The following DNAH9 variants were observed in gnomAD, a reference collection of about 807,000 sequenced individuals.
The protein encoded by DNAH9 is DNAH9 variant protein.
DNAH9 carries 345 observed loss-of-function variants against 471.6 expected under a neutral mutation model. The ratio of observed to expected loss-of-function variants is 0.73; its 90% confidence interval spans 0.67 to 0.80. The LOEUF (loss-of-function observed/expected upper bound fraction) is 0.80, where lower values mean the gene tolerates loss of function less well. DNAH9 is among the 30% of genes least tolerant of loss of function. The pLI is 0.00. For missense variants in DNAH9, 5,407 were observed against 5,609.2 expected, an observed-to-expected ratio of 0.96 and a Z score of 1.15; for synonymous variants, 2,093 against 2,123.6, an observed-to-expected ratio of 0.99 and a Z score of 0.40.
chr17:11,942,169 G>A, intron 66 of DNAH9, 134 bp from the exon 67 acceptor site: 1 of 1,248,832 alleles, frequency 8.0e-7, no homozygotes, highest in Non-Finnish European at 1.1e-6. Flanking sequence ...GCAGGCAAGA[G>A]TTTGGCCATG....
chr17:11,921,709 G>C (rs775904899), intron 61 of DNAH9, among the ~76,000 whole-genome samples: 4 of 152,170 alleles, frequency 2.6e-5, no homozygotes, highest in Non-Finnish European at 4.4e-5. Context: ...TGAGTGTTCA[G>C]TTAGTGAGAA....
chr17:11,617,115 T>C (rs778424512), intron 4 of DNAH9, among the ~76,000 whole-genome samples: 2 of 152,138 alleles, frequency 1.3e-5, no homozygotes, highest in Non-Finnish European at 2.9e-5. Flanking sequence ...GTCTCAGAGA[T>C]AGCAGCAAAG....
In DNAH9 at chr17:11,800,271, CT is replaced by C. The variant is rs1969405125; in HGVS notation, c.8420+2479del. Reference sequence around the variant, plus strand: ...CTACAACTTCAGTTCATGAACACCCCTATCCCTATCTAAGTCTAGTCCCTAC... The same window carrying C: ...CTACAACTTCAGTTCATGAACACCCCATCCCTATCTAAGTCTAGTCCCTAC... On this transcript the variant is annotated intron_variant, in intron 43 of 68. Transcript: ENST00000262442. Among the ~76,000 whole-genome samples the C allele has an allele frequency of 2.6e-5, 4 of 152,002 alleles. 1 individual carries two copies. The highest frequency in any genetic ancestry group is 2.4e-5 in the African/African-American group (1 of 41,460).
chr17:11,619,612 T>G lies in DNAH9; in HGVS notation c.1181T>G (p.Leu394Arg), dbSNP rs772254293. 103 of 1,614,060 alleles carry G rather than the reference T, an allele frequency of 6.4e-5. No individual in the cohort carries two copies. Among genetic ancestry groups the G allele is most frequent in the Middle Eastern group, 4.9e-4 (3 of 6,084 alleles). Residue 394 changes from leucine to arginine, a missense_variant, in exon 6 of 69, where the codon CTG (leucine) becomes CGG (arginine). Around this residue, in one of 3 missense-constraint regions of DNAH9, gnomAD observed 767 missense variants for 692.5 expected, o/e 1.11. Transcript: ENST00000262442. ...GAGGTAGAAGAAAGTCAGAGAAAAC[T>G]GCAAGTGGTCTCAGACACTTTGAGC... ...RSEVEESQRK[L>R]QVVSDTLSFF... is the part of the protein sequence containing the mutation.
At chr17:11,618,321 C>T (rs1474360747) in intron 5 of DNAH9, among the ~76,000 whole-genome samples, 1 of 152,124 alleles carries the variant, frequency 6.6e-6, no homozygotes, top group Non-Finnish European at 1.5e-5. Context: ...GGCGCGGTGG[C>T]TCACGCCTGT....
In DNAH9 at chr17:11,886,976, C is replaced by T; in HGVS notation, c.11112+11C>T. ...CAGTTTTCTCTCAAGGTGACTTACA[C>T]CTGGAGTTTCTTGCCTGATTATAAT... On this transcript the variant is annotated intron_variant, in intron 57 of 68. Coordinates refer to ENST00000262442, the MANE Select transcript of DNAH9 (RefSeq NM_001372.4). 6.2e-7 allele frequency: 1 copy of T among 1,605,000 alleles called. No individual in the cohort carries two copies. The highest frequency in any genetic ancestry group is 8.5e-7 in the Non-Finnish European group (1 of 1,175,676).
intron 62 of DNAH9, 117 bp from the exon 63 acceptor site, chr17:11,929,749 A>T: frequency 1.2e-6 from 1 of 831,328 alleles, no homozygotes; most frequent in Non-Finnish European, 1.9e-6. Flanking sequence ...CACAATTTTT[A>T]AAAATTATGT....
At chr17:11,599,847 A>C (rs1281832546) in intron 1 of DNAH9, among the ~76,000 whole-genome samples, 1 of 152,176 alleles carries the variant, frequency 6.6e-6, no homozygotes, top group East Asian at 1.9e-4. Context: ...ATACCAAAGA[A>C]CTATTCCCAC....
intron 43 of DNAH9, among the ~76,000 whole-genome samples, chr17:11,804,585 T>C (rs766983253): frequency 2.6e-4 from 39 of 152,170 alleles, no homozygotes; most frequent in Admixed American, 1.3e-4. Flanking sequence ...CACCATTAAA[T>C]TGGCAAAGAT....
In DNAH9 at chr17:11,797,907, C is replaced by T. The variant is rs77238283; in HGVS notation, c.8420+114C>T. The T allele has an allele frequency of 0.048, 52,944 of 1,099,248 alleles. 1,480 individuals carry two copies. Among genetic ancestry groups the T allele is most frequent in the African/African-American group, 0.059 (3,747 of 63,328 alleles). 68.1% of individuals were successfully genotyped at this position (1,099,248 alleles called of 1,614,324 possible). ...AAAGCCAGGTAAGGAGCTCCGGCTT[C>T]TGCCTTAAAAGTCAAGATGGCTGCT... On this transcript the variant is annotated intron_variant, in intron 43 of 68. Transcript: ENST00000262442.
rs2150894387 is a variant in DNAH9 at position 11,781,073 on chromosome 17, A to G, written c.7617A>G (p.Lys2539=). The part of the protein sequence containing the change: ...GRNYGPPGNK[K]LIYFIDDMNM... ...ACTATGGCCCTCCAGGGAACAAGAA[A>G]CTCATCTATTTCATTGATGACATGA... Residue 2539 remains lysine, a synonymous_variant, in exon 39 of 69, where the codon AAA becomes AAG. Coordinates refer to ENST00000262442, the MANE Select transcript of DNAH9 (RefSeq NM_001372.4). The G allele has an allele frequency of 1.2e-6, 2 of 1,614,020 alleles. No individual in the cohort carries two copies. Among genetic ancestry groups the G allele is most frequent in the African/African-American group, 1.3e-5 (1 of 75,014 alleles).
chr17:11,852,814 G>GTGTGTGTATATATATATATA (rs1169950713), intron 49 of DNAH9, among the ~76,000 whole-genome samples: 1 of 92,680 alleles, frequency 1.1e-5, no homozygotes, highest in Non-Finnish European at 2.2e-5. Context: ...GTGTGTGTGT[G>GTGTGTGTATATATATATATA]TATATATATA....
At chr17:11,870,896 G>A (rs1193843013) in intron 51 of DNAH9, among the ~76,000 whole-genome samples, 1 of 152,138 alleles carries the variant, frequency 6.6e-6, no homozygotes, top group Non-Finnish European at 1.5e-5. Flanking sequence ...ACAGGCATGT[G>A]AATGACTGGG....
chr17:11,829,856 A>T (rs1291845524), intron 48 of DNAH9, among the ~76,000 whole-genome samples: 1 of 152,344 alleles, frequency 6.6e-6, no homozygotes, highest in South Asian at 2.1e-4. Context: ...TGAATTCAAC[A>T]TGGCTCTGGA....
At chr17:11,861,515 T>C (rs1046908177) in intron 50 of DNAH9, among the ~76,000 whole-genome samples, 1 of 152,008 alleles carries the variant, frequency 6.6e-6, no homozygotes, top group African/African-American at 2.4e-5. Flanking sequence ...AGCAGCATGA[T>C]TTATAGTCCT....
chr17:11,720,437 G>A (rs1384919809), intron 27 of DNAH9, among the ~76,000 whole-genome samples: 1 of 151,774 alleles, frequency 6.6e-6, no homozygotes, highest in African/African-American at 2.4e-5. Flanking sequence ...AAACAAAAAT[G>A]TAATAACAGA....
rs769037909 is a variant in DNAH9, at chr17:11,854,247, A to G, written c.9752A>G (p.Asn3251Ser). 3.3e-5 allele frequency: 54 copies of G among 1,614,054 alleles called. No homozygotes were observed. Among genetic ancestry groups the G allele is most frequent in the Non-Finnish European group, 4.5e-5 (53 of 1,180,040 alleles). ...CCGTATCTGCAAGACCCCGAGTTCA[A>G]TCCTGAGTTTGTGGCCACCAAATCC... ...IRPYLQDPEF[N>S]PEFVATKSYA... is the part of the protein sequence containing the mutation. The change falls in exon 50 of 69, where the codon AAT becomes AGT. Residue 3251 changes from asparagine to serine, a missense_variant. Asn to Ser is a conservative substitution (Grantham distance 46). Transcript: ENST00000262442.
chr17:11,801,674 A>G lies in DNAH9; in HGVS notation c.8420+3881A>G, dbSNP rs149328828. Among the ~76,000 whole-genome samples the G allele has an allele frequency of 8.9e-3, 1,361 of 152,268 alleles. 19 individuals carry two copies. Among genetic ancestry groups the G allele is most frequent in the African/African-American group, 0.031 (1,299 of 41,558 alleles). On this transcript the variant is annotated intron_variant, in intron 43 of 68. Coordinates refer to ENST00000262442, the MANE Select transcript of DNAH9 (RefSeq NM_001372.4). ...CCATTGCACTCCAGCCTGGGCAACA[A>G]GAGTGAAACTCCATCTCAAAAAAGA...
At chr17:11,823,670 G>A (rs11871777) in intron 48 of DNAH9, among the ~76,000 whole-genome samples, 2,726 of 152,238 alleles carry the variant, frequency 0.018, 91 homozygotes, top group African/African-American at 0.062. Context: ...GGTGGCTCAC[G>A]CCTGTAATCC....
Sources: gnomAD v4.1 joint callset for allele counts (sites outside exome capture counted in the v4.1 genomes callset) on GRCh38, gnomAD v4.1.1 for gene constraint, gnomAD v4.1.1 regional missense constraint, MANE v1.5 for transcripts, NCBI Gene and HGNC (gene_info 2026-07-23, HGNC 2026-07-21) for gene names.